SENP6: variants seen among roughly 807,000 people sequenced by gnomAD.
SENP6 encodes sentrin-specific protease 6.
In SENP6, 41 loss-of-function variants were observed where a neutral mutation model predicts 134.5. The observed-to-expected ratio is 0.30, with a 90% CI of 0.24 to 0.40. The LOEUF (loss-of-function observed/expected upper bound fraction) is 0.40. Ranked by LOEUF, SENP6 falls within the 10% of genes least tolerant of loss-of-function variation. The pLI is 1.00. For missense variants in SENP6, 1,248 were observed against 1,312.5 expected (o/e 0.95, Z 0.76); for synonymous variants, 395 against 429.8 (o/e 0.92, Z 1.00).
chr6:75,708,102 C>T (rs2149904560), intron 19 of SENP6, among the ~76,000 whole-genome samples: 1 of 152,310 alleles, frequency 6.6e-6, no homozygotes, highest in African/African-American at 2.4e-5. Flanking sequence ...CTCTATCACC[C>T]AGGTCGGAGT....
chr6:75,675,367 T>A, intron 11 of SENP6, 68 bp from the exon 12 acceptor site: 1 of 879,028 alleles, frequency 1.1e-6, no homozygotes, highest in Admixed American at 2.6e-5. Context: ...TCTAAGTATT[T>A]GAATAAAAAA....
chr6:75,683,577 G>C (rs1240585410), intron 16 of SENP6, among the ~76,000 whole-genome samples: 1 of 152,104 alleles, frequency 6.6e-6, no homozygotes. Context: ...TTTTGTATAA[G>C]GTGTAAGGAG....
At chr6:75,654,491 A>G (rs1377859684) in intron 7 of SENP6, among the ~76,000 whole-genome samples, 1 of 152,254 alleles carries the variant, frequency 6.6e-6, no homozygotes, top group Non-Finnish European at 1.5e-5. Flanking sequence ...GTATGCCAAA[A>G]GTATAGTATT....
intron 19 of SENP6, among the ~76,000 whole-genome samples, chr6:75,709,231 T>C (rs536014249): frequency 6.6e-6 from 1 of 152,316 alleles, no homozygotes; most frequent in South Asian, 2.1e-4. Flanking sequence ...CTTATTTGTT[T>C]ACACATATAC....
At chr6:75,706,519 C>G (rs1219842431) in intron 19 of SENP6, among the ~76,000 whole-genome samples, 4 of 152,144 alleles carry the variant, frequency 2.6e-5, no homozygotes, top group African/African-American at 9.7e-5. Flanking sequence ...AATTAATTTT[C>G]TGGTCAAGTA....
intron 1 of SENP6, among the ~76,000 whole-genome samples, chr6:75,610,664 C>T (rs897994102): frequency 8.6e-5 from 13 of 151,942 alleles, no homozygotes; most frequent in African/African-American, 3.1e-4. Flanking sequence ...TGGGATAGTC[C>T]CAGGCACACT....
chr6:75,712,995 T>A (rs1166076562), intron 21 of SENP6, among the ~76,000 whole-genome samples: 1 of 152,098 alleles, frequency 6.6e-6, no homozygotes, highest in Admixed American at 6.6e-5. Context: ...TAGTTACAGC[T>A]CCTCAGGAGG....
intron 1 of SENP6, among the ~76,000 whole-genome samples, chr6:75,620,150 G>A (rs1466218537): frequency 1.3e-5 from 2 of 151,650 alleles, no homozygotes; most frequent in African/African-American, 2.4e-5. Flanking sequence ...ATCTCATTAT[G>A]GTTTTGATTT....
At chr6:75,664,435 T>C (rs1772036289) in intron 9 of SENP6, among the ~76,000 whole-genome samples, 1 of 152,184 alleles carries the variant, frequency 6.6e-6, no homozygotes, top group South Asian at 2.1e-4. Context: ...TGTCAGGTAC[T>C]GTGCTAAGCA....
chr6:75,692,076 A>G (rs1243826681), intron 16 of SENP6, among the ~76,000 whole-genome samples: 5 of 151,142 alleles, frequency 3.3e-5, no homozygotes, highest in African/African-American at 9.7e-5. Context: ...GGCTGGTCTC[A>G]AACTCCCGAC....
intron 14 of SENP6, chr6:75,677,582 A>G (rs891314845): frequency 8.7e-5 from 16 of 184,034 alleles, no homozygotes; most frequent in Admixed American, 5.5e-5. Flanking sequence ...CTACATTCAA[A>G]TGGATTGGTT....
intron 3 of SENP6, among the ~76,000 whole-genome samples, chr6:75,630,444 G>A (rs1769025387): frequency 1.3e-5 from 2 of 152,152 alleles, no homozygotes; most frequent in African/African-American, 4.8e-5. Context: ...AATTGCCTTT[G>A]GGCATGGATC....
chr6:75,636,056 C>A (rs1000031997), intron 5 of SENP6, among the ~76,000 whole-genome samples: 2 of 151,632 alleles, frequency 1.3e-5, no homozygotes, highest in Non-Finnish European at 2.9e-5. Flanking sequence ...TAAAAAAAAA[C>A]AACCCGTTAA....
rs781504434 is a variant in SENP6 at position 75,633,642 on chromosome 6, T to C, written c.269T>C (p.Val90Ala). The C allele has an allele frequency of 2.5e-6, 4 of 1,611,914 alleles. No individual in the cohort carries two copies. Among genetic ancestry groups the C allele is most frequent in the East Asian group, 2.2e-5 (1 of 44,792 alleles). Residue 90 changes from valine to alanine, a missense_variant, in exon 4 of 24, where the codon GTA becomes GCA. This residue lies in a region of SENP6 where 733 missense variants were observed against 725.4 expected (regional missense o/e 1.01). Transcript: ENST00000447266. ...SSGEFILKTYVRRNKSESFKT... is the reference protein window; with the variant it reads ...SSGEFILKTYARRNKSESFKT... ...GGTGAATTCATCTTGAAGACATATG[T>C]AAGACGAAACAAGTCTGAAAGTTTT...
rs545089769 is a variant in SENP6 at position 75,624,991 on chromosome 6, AGTAC to A, written c.207+1032_207+1035del. Among the ~76,000 whole-genome samples, 484 of 152,236 alleles carry A rather than the reference AGTAC, an allele frequency of 3.2e-3. 1 individual carries two copies. The highest frequency in any genetic ancestry group is 0.011 in the South Asian group (55 of 4,830). On this transcript the variant is annotated intron_variant, in intron 3 of 23. Transcript: ENST00000447266. ...TAAAAAATAAAAAATTTTGCACTGT[AGTAC>A]ATACAATAATGGTGTATTGTATAAT...
rs999820387 is a variant in SENP6 at position 75,602,322 on chromosome 6, G to A, written c.-203G>A. ...GCTCGGGCCGCGGGCCTCGCTGCCC[G>A]CCAGCCCGCGGACAGGCCCGGGCGC... On this transcript the variant is annotated 5_prime_UTR_variant, in exon 1 of 24. Transcript: ENST00000447266. The A allele has an allele frequency of 1.0e-5, 5 of 481,636 alleles. No homozygotes were observed. The highest frequency in any genetic ancestry group is 2.1e-5 in the African/African-American group (1 of 48,542). The allele number at this position is 481,636 out of a possible 1,614,324, so 29.8% of individuals were successfully genotyped here.
chr6:75,622,482 C>T (rs1768349730), intron 2 of SENP6, among the ~76,000 whole-genome samples: 1 of 152,082 alleles, frequency 6.6e-6, no homozygotes, highest in Non-Finnish European at 1.5e-5. Flanking sequence ...TCACTTGAAC[C>T]CGGGAGGTAG....
In SENP6 at chr6:75,675,432, T is replaced by TA. The variant is rs766897144; in HGVS notation, c.1393-2dup. 7.1e-7 allele frequency: 1 copy of TA among 1,417,026 alleles called. No individual in the cohort carries two copies. The highest frequency in any genetic ancestry group is 1.3e-5 in the South Asian group (1 of 79,712). 87.8% of individuals were successfully genotyped at this position (1,417,026 alleles called of 1,614,324 possible). A position where few individuals can be genotyped will look rare whatever the true frequency, so the allele number is the denominator to read the frequency against. ...AGCAATACTAATTCATCTTTTTTTT[T>TA]AGTTTTGTTTAGATTTTATCAAGAT... is the stretch of plus-strand genomic sequence containing the variant. On this transcript the variant is annotated splice_polypyrimidine_tract_variant and splice_region_variant and intron_variant, in intron 11 of 23. Coordinates refer to ENST00000447266, the MANE Select transcript of SENP6 (RefSeq NM_015571.4).
At chr6:75,656,783 TTTTCTC>T (rs1368305785) in intron 7 of SENP6, among the ~76,000 whole-genome samples, 5 of 152,186 alleles carry the variant, frequency 3.3e-5, no homozygotes, top group Admixed American at 6.5e-5. Flanking sequence ...ATTCCTTCCT[TTTTCTC>T]TTTCTTTCAG....
Sources: gnomAD v4.1 joint callset for allele counts (sites outside exome capture counted in the v4.1 genomes callset) on GRCh38, gnomAD v4.1.1 for gene constraint, gnomAD v4.1.1 regional missense constraint, MANE v1.5 for transcripts, NCBI Gene and HGNC (gene_info 2026-07-23, HGNC 2026-07-21) for gene names.